The following RAPGEF6 variants were observed in gnomAD, a reference collection of about 807,000 sequenced individuals.
RAPGEF6 encodes PDZ domain containing guanine nucleotide exchange factor (GEF) 2.
In RAPGEF6, 56 loss-of-function variants were observed where a neutral mutation model predicts 171.4. That is an observed-to-expected ratio of 0.33 (90% CI 0.26 to 0.41). The LOEUF is 0.41. RAPGEF6 is among the 10% of genes least tolerant of loss of function. RAPGEF6 has a pLI of 1.00. For missense variants in RAPGEF6, 1,674 were observed against 1,921.4 expected, an observed-to-expected ratio of 0.87 and a Z score of 2.41; for synonymous variants, 692 against 650.1, an observed-to-expected ratio of 1.06 and a Z score of -0.98.
At chr5:131,558,288 T>A (rs12657797) in intron 5 of RAPGEF6, among the ~76,000 whole-genome samples, 2,913 of 148,526 alleles carry the variant, frequency 0.02, 143 homozygotes, top group East Asian at 0.14. Context: ...TTCCATACCA[T>A]CTCCCTTATT....
At position 131,529,126 on chromosome 5, in the gene RAPGEF6, AT is replaced by A. The variant is rs1360337304; in HGVS notation, c.496-7606del. On this transcript the variant is annotated intron_variant, in intron 6 of 27. Transcript: ENST00000509018. ...TCCTGAAAGAAACCCAAAAAACTCA[AT>A]TTGATTTCTCTCTAGAGAGACCACG... is the stretch of plus-strand genomic sequence containing the variant. Among the ~76,000 whole-genome samples, 17 of 151,442 alleles carry A rather than the reference AT, an allele frequency of 1.1e-4. No individual in the cohort carries two copies. In the South Asian group the frequency reaches 3.1e-3, roughly 28 times the overall value.
In RAPGEF6 at chr5:131,427,112, T is replaced by A; in HGVS notation, c.*154A>T. ...GAAATTAAATGAAAGGAAGCATAAC[T>A]CAGGTCTATTTCATTGCTCGGAGTA... is the stretch of plus-strand genomic sequence containing the variant. On this transcript the variant is annotated 3_prime_UTR_variant, in exon 28 of 28. Coordinates refer to ENST00000509018, the MANE Select transcript of RAPGEF6 (RefSeq NM_016340.6). The A allele has an allele frequency of 1.4e-6, 1 of 734,456 alleles. No homozygotes were observed. The highest frequency in any genetic ancestry group is 1.6e-5 in the South Asian group (1 of 61,418). 45.5% of individuals were successfully genotyped at this position (734,456 alleles called of 1,614,324 possible). A position where few individuals can be genotyped will look rare whatever the true frequency, so the allele number is the denominator to read the frequency against.
At chr5:131,487,101 T>C (rs976215995) in intron 15 of RAPGEF6, among the ~76,000 whole-genome samples, 3 of 152,132 alleles carry the variant, frequency 2.0e-5, no homozygotes, top group Non-Finnish European at 4.4e-5. Context: ...CCTTCACGGT[T>C]GAGTGTTACA....
chr5:131,470,300 C>A (rs2149844966), intron 17 of RAPGEF6, among the ~76,000 whole-genome samples: 1 of 152,258 alleles, frequency 6.6e-6, no homozygotes, highest in African/African-American at 2.4e-5. Context: ...AACATGTTCT[C>A]AAGGAGAGAA....
Position 131,505,222 on chromosome 5 carries a change from C to G in RAPGEF6, c.1101+142G>C. On this transcript the variant is annotated intron_variant, in intron 10 of 27. Coordinates refer to ENST00000509018, the MANE Select transcript of RAPGEF6 (RefSeq NM_016340.6). ...ATGCCACAAATATTTGAGGCAGATA[C>G]AAAATCTACTTTCCTTTATTAACTG... is the stretch of plus-strand genomic sequence containing the variant. 4 of 785,940 alleles carry G rather than the reference C, an allele frequency of 5.1e-6. 1 individual carries two copies. The South Asian group carries it at 7.0e-5, about 14-fold the overall frequency. The allele number at this position is 785,940 out of a possible 1,614,324, so 48.7% of individuals were successfully genotyped here. A position where few individuals can be genotyped will look rare whatever the true frequency, so the allele number is the denominator to read the frequency against.
chr5:131,438,430 C>G (rs1457010813), intron 24 of RAPGEF6, among the ~76,000 whole-genome samples: 1 of 152,150 alleles, frequency 6.6e-6, no homozygotes, highest in Non-Finnish European at 1.5e-5. Flanking sequence ...AAACTTAGAG[C>G]CTGGAAGCTG....
intron 11 of RAPGEF6, among the ~76,000 whole-genome samples, chr5:131,503,555 T>C (rs1757159316): frequency 6.6e-6 from 1 of 152,240 alleles, no homozygotes; most frequent in Non-Finnish European, 1.5e-5. Context: ...AAGTATGACA[T>C]CAGACTTCAA....
At position 131,635,039 on chromosome 5, in the gene RAPGEF6, C is replaced by T; in HGVS notation, c.-9G>A. ...TCCACGGGTGAGTTCATGGCCACGG[C>T]CCGGGTACTCCGCAGCCTGCCCTTA... On this transcript the variant is annotated 5_prime_UTR_variant, in exon 1 of 28. Coordinates refer to ENST00000509018, the MANE Select transcript of RAPGEF6 (RefSeq NM_016340.6). 1.9e-6 allele frequency: 3 copies of T among 1,600,732 alleles called. No homozygotes were observed. Among genetic ancestry groups the T allele is most frequent in the Non-Finnish European group, 2.6e-6 (3 of 1,170,240 alleles).
At chr5:131,551,409 G>T (rs549897644) in intron 5 of RAPGEF6, among the ~76,000 whole-genome samples, 5 of 151,970 alleles carry the variant, frequency 3.3e-5, no homozygotes, top group African/African-American at 1.2e-4. Context: ...CTACTCGGGA[G>T]GCTGAGGCAG....
chr5:131,457,561 A>G (rs1266255631), intron 19 of RAPGEF6, among the ~76,000 whole-genome samples: 1 of 152,244 alleles, frequency 6.6e-6, no homozygotes, highest in South Asian at 2.1e-4. Flanking sequence ...ATACTGCTGC[A>G]TGGATCCACT....
intron 7 of RAPGEF6, among the ~76,000 whole-genome samples, chr5:131,516,187 A>C (rs1446677097): frequency 6.7e-6 from 1 of 149,912 alleles, no homozygotes; most frequent in Admixed American, 6.7e-5. Flanking sequence ...TCCTGGGTTC[A>C]AGCGATTCTC....
At chr5:131,517,775 G>T (rs997023079) in intron 7 of RAPGEF6, among the ~76,000 whole-genome samples, 1 of 80,354 alleles carries the variant, frequency 1.2e-5, no homozygotes, top group East Asian at 3.1e-4. Flanking sequence ...AAACATTCGC[G>T]CATGTACACA....
chr5:131,521,302 AG>A, intron 7 of RAPGEF6, 87 bp downstream of exon 7: 1 of 1,320,948 alleles, frequency 7.6e-7, no homozygotes, highest in Non-Finnish European at 1.0e-6. Flanking sequence ...ATACTCTAAA[AG>A]ATATGTTAAC....
intron 16 of RAPGEF6, among the ~76,000 whole-genome samples, chr5:131,477,601 C>A (rs967830895): frequency 1.3e-5 from 2 of 152,118 alleles, no homozygotes; most frequent in African/African-American, 4.8e-5. Context: ...GTAACTAATT[C>A]CCACACCCTC....
At chr5:131,498,323 T>C (rs1756765644) in intron 12 of RAPGEF6, 120 bp downstream of exon 12, 3 of 892,144 alleles carry the variant, frequency 3.4e-6, no homozygotes, top group Non-Finnish European at 5.1e-6. Context: ...TTCAGGTTCA[T>C]TAATTTTTTT....
intron 21 of RAPGEF6, 158 bp from the exon 22 acceptor site, chr5:131,446,861 G>A (rs1752748457): frequency 4.4e-6 from 3 of 678,634 alleles, no homozygotes; most frequent in Admixed American, 3.1e-5. Flanking sequence ...TGGCACATAT[G>A]GTGACGTTCT....
rs115388563 is a variant in RAPGEF6 at position 131,524,557 on chromosome 5, G to C, written c.496-3036C>G. Among the ~76,000 whole-genome samples, 8 of 151,198 alleles carry C rather than the reference G, an allele frequency of 5.3e-5. No individual in the cohort carries two copies. The South Asian group carries it at 1.5e-3, about 28-fold the overall frequency. ...AAGCTGATATAGCTTATAGATGGGA[G>C]AGGGAGAGGGAGAGGAGGAGAGAGA... is the stretch of plus-strand genomic sequence containing the variant. On this transcript the variant is annotated intron_variant, in intron 6 of 27. Coordinates refer to ENST00000509018, the MANE Select transcript of RAPGEF6 (RefSeq NM_016340.6).
At chr5:131,592,620 G>A (rs1463983783) in intron 3 of RAPGEF6, among the ~76,000 whole-genome samples, 154 bp from the exon 4 acceptor site, 1 of 152,064 alleles carries the variant, frequency 6.6e-6, no homozygotes, top group Non-Finnish European at 1.5e-5. Context: ...GTTGCCTAAG[G>A]TTTTATACAG....
In RAPGEF6 at chr5:131,612,286, C is replaced by T. The variant is rs1277623752; in HGVS notation, c.70-7593G>A. Among the ~76,000 whole-genome samples, 14 of 148,778 alleles carry T rather than the reference C, an allele frequency of 9.4e-5. No homozygotes were observed. The Admixed American group carries it at 9.5e-4, about 10-fold the overall frequency. On this transcript the variant is annotated intron_variant, in intron 1 of 27. Transcript: ENST00000509018. Reference sequence around the variant, plus strand: ...TCCATTCAATCATTCTGTTTTTCACCGTTTTCTGTACAGTATTCAATAAAT... The same window carrying T: ...TCCATTCAATCATTCTGTTTTTCACTGTTTTCTGTACAGTATTCAATAAAT...
Sources: gnomAD v4.1 joint callset for allele counts (sites outside exome capture counted in the v4.1 genomes callset) on GRCh38, gnomAD v4.1.1 for gene constraint, MANE v1.5 for transcripts, NCBI Gene and HGNC (gene_info 2026-07-23, HGNC 2026-07-21) for gene names.